The following URB1 variants were observed in gnomAD, a reference collection of about 807,000 sequenced individuals.
The protein encoded by URB1 is URB1 ribosome biogenesis factor.
A neutral mutation model predicts 242.3 loss-of-function variants in URB1; 197 were observed. The ratio of observed to expected loss-of-function variants is 0.81; its 90% CI spans 0.72 to 0.91. The LOEUF is 0.91. URB1 is among the 40% of genes least tolerant of loss of function. The pLI is 0.00. For missense variants in URB1, 2,721 were observed against 2,860.5 expected, an observed-to-expected ratio of 0.95 and a Z score of 1.11; for synonymous variants, 1,153 against 1,201.8, an observed-to-expected ratio of 0.96 and a Z score of 0.84.
At chr21:32,357,129 A>G (rs2033229612) in intron 15 of URB1, among the ~76,000 whole-genome samples, 2 of 152,222 alleles carry the variant, frequency 1.3e-5, no homozygotes, top group Non-Finnish European at 2.9e-5. Context: ...AAGATAAGGA[A>G]ATAAATTCCT....
chr21:32,319,504 C>G, intron 35 of URB1, 90 bp from the exon 36 acceptor site: 1 of 1,276,456 alleles, frequency 7.8e-7, no homozygotes, highest in Non-Finnish European at 1.0e-6. Context: ...ATCTGCTCAT[C>G]CCCCTAGATA....
intron 1 of URB1, among the ~76,000 whole-genome samples, chr21:32,391,376 AAAAG>A (rs1333265571): frequency 2.6e-5 from 4 of 151,960 alleles, no homozygotes; most frequent in African/African-American, 7.3e-5. Context: ...GATTAAAAAA[AAAAG>A]AAAAGAAAAG....
At chr21:32,364,694 G>C (rs186356311) in intron 10 of URB1, among the ~76,000 whole-genome samples, 18 of 152,316 alleles carry the variant, frequency 1.2e-4, no homozygotes, top group Non-Finnish European at 7.4e-5. Flanking sequence ...GCTTCCAAAC[G>C]CTTTCTTATT....
chr21:32,333,397 T>G lies in URB1; in HGVS notation c.4880A>C (p.Lys1627Thr). The change falls in exon 30 of 39, where the codon AAA becomes ACA. Residue 1627 changes from lysine (K) to threonine (T), a missense_variant. Coordinates refer to ENST00000382751, the MANE Select transcript of URB1 (RefSeq NM_014825.3). ...PPEDTQELIF[K>T]DKSRVDLDGL... ...ATCAAGATCCACCCTGCTTTTGTCT[T>G]TGAATATCAGCTCCTGTGTGTCCTG... 2 of 1,551,652 alleles carry G rather than the reference T, an allele frequency of 1.3e-6. No individual in the cohort carries two copies. Among genetic ancestry groups the G allele is most frequent in the Non-Finnish European group, 1.7e-6 (2 of 1,146,972 alleles).
At chr21:32,361,762 AT>A in intron 12 of URB1, 129 bp downstream of exon 12, 1 of 1,326,696 alleles carries the variant, frequency 7.5e-7, no homozygotes, top group Non-Finnish European at 1.0e-6. Flanking sequence ...ATATAGACAC[AT>A]TCACAGCCAG....
intron 12 of URB1, 76 bp from the exon 13 acceptor site, chr21:32,361,199 G>GAAAGAAAGAAAC: frequency 2.2e-6 from 2 of 918,490 alleles, no homozygotes; most frequent in Non-Finnish European, 3.1e-6. Flanking sequence ...AAGAAAGAAA[G>GAAAGAAAGAAAC]AAAGAAAATA....
chr21:32,360,911 A>G (rs1353290051), intron 13 of URB1, 96 bp downstream of exon 13: 2 of 802,986 alleles, frequency 2.5e-6, no homozygotes, highest in African/African-American at 3.6e-5. Flanking sequence ...CACGCAGCCA[A>G]CCGTCCACCA....
chr21:32,341,606 G>C, intron 24 of URB1, 82 bp from the exon 25 acceptor site: 1 of 1,309,766 alleles, frequency 7.6e-7, no homozygotes, highest in Non-Finnish European at 1.1e-6. Flanking sequence ...AGAGCCTTCA[G>C]AAAGGCATCT....
intron 25 of URB1, 132 bp downstream of exon 25, chr21:32,341,334 T>C (rs1375586531): frequency 3.6e-6 from 3 of 844,400 alleles, no homozygotes; most frequent in Non-Finnish European, 5.5e-6. Context: ...CTCCAACTTC[T>C]ATCTCTAAAA....
chr21:32,386,858 T>G (rs1322091541), intron 1 of URB1, among the ~76,000 whole-genome samples: 1 of 151,794 alleles, frequency 6.6e-6, no homozygotes, highest in Non-Finnish European at 1.5e-5. Context: ...TTAGGAGAGG[T>G]AGAGCCAGGA....
In URB1 at chr21:32,317,779, G is replaced by A. The variant is rs557621951; in HGVS notation, c.5931C>T (p.Asp1977=). ...TVNETVLSTK[D]VLVLLHKWSL... ...TCCACTTGTGCAAGAGGACAAGGAC[G>A]TCCTTGGTGGAAAGCACTGTCTCAT... Residue 1977 remains aspartate, a synonymous_variant, in exon 37 of 39, where the codon GAC becomes GAT. Coordinates refer to ENST00000382751, the MANE Select transcript of URB1 (RefSeq NM_014825.3). 25 of 1,551,942 alleles carry A rather than the reference G, an allele frequency of 1.6e-5. No individual in the cohort carries two copies. In the East Asian group the frequency reaches 3.7e-4, roughly 23 times the overall value.
chr21:32,324,420 T>A, intron 32 of URB1, 71 bp downstream of exon 32: 1 of 1,272,810 alleles, frequency 7.9e-7, no homozygotes, highest in Middle Eastern at 1.8e-4. Context: ...CCTGTGGGAC[T>A]AATCCCTAGA....
intron 11 of URB1, among the ~76,000 whole-genome samples, chr21:32,362,914 C>T (rs957887962): frequency 2.0e-5 from 3 of 152,158 alleles, no homozygotes; most frequent in South Asian, 4.2e-4. Context: ...ACACATGTAT[C>T]GTCTAAATTC....
chr21:32,355,090 G>A, intron 16 of URB1, 93 bp from the exon 17 acceptor site: 2 of 1,394,074 alleles, frequency 1.4e-6, no homozygotes, highest in Non-Finnish European at 1.9e-6. Flanking sequence ...CAAGGCAAGT[G>A]ATAATATGTT....
intron 16 of URB1, among the ~76,000 whole-genome samples, 167 bp downstream of exon 16, chr21:32,355,282 T>C (rs781031817): frequency 3.9e-5 from 6 of 152,210 alleles, no homozygotes; most frequent in Non-Finnish European, 5.9e-5. Flanking sequence ...TATACGTATT[T>C]TACAGATTCT....
intron 22 of URB1, among the ~76,000 whole-genome samples, chr21:32,346,065 T>C (rs140660875): frequency 6.6e-6 from 1 of 152,074 alleles, no homozygotes; most frequent in Admixed American, 6.5e-5. Context: ...GTCCTTGTGG[T>C]AGAGTGAATG....
chr21:32,339,219 C>A (rs1334184823), intron 25 of URB1, among the ~76,000 whole-genome samples: 1 of 152,154 alleles, frequency 6.6e-6, no homozygotes, highest in Non-Finnish European at 1.5e-5. Context: ...GGCTTGAATT[C>A]CTGACCTCAG....
At chr21:32,380,160 T>C (rs916139243) in intron 4 of URB1, among the ~76,000 whole-genome samples, 1 of 152,188 alleles carries the variant, frequency 6.6e-6, no homozygotes, top group African/African-American at 2.4e-5. Flanking sequence ...GGACCATACT[T>C]GGCATCAGTT....
chr21:32,383,224 G>A (rs937106821), intron 4 of URB1, among the ~76,000 whole-genome samples, 198 bp downstream of exon 4: 1 of 152,220 alleles, frequency 6.6e-6, no homozygotes, highest in Admixed American at 6.5e-5. Context: ...GGCTCTGCCA[G>A]GTTCTGGCCC....
Sources: gnomAD v4.1 joint callset for allele counts (sites outside exome capture counted in the v4.1 genomes callset) on GRCh38, gnomAD v4.1.1 for gene constraint, MANE v1.5 for transcripts, NCBI Gene and HGNC (gene_info 2026-07-23, HGNC 2026-07-21) for gene names.